The following PLXNA1 variants were observed in gnomAD, a reference collection of about 807,000 sequenced individuals.
PLXNA1 encodes plexin A1, also known as plexin-A1.
Under a neutral mutation model 191.7 loss-of-function variants are expected in PLXNA1, and 77 were observed. The observed-to-expected ratio is 0.40, with a 90% CI of 0.33 to 0.49. The LOEUF (loss-of-function observed/expected upper bound fraction) is 0.49. Among genes scored for constraint, PLXNA1 ranks in the 20% least tolerant of loss-of-function variants. PLXNA1 has a pLI of 0.63. For missense variants in PLXNA1, 2,110 were observed against 2,660.2 expected, an observed-to-expected ratio of 0.79 and a Z score of 4.55; for synonymous variants, 1,137 against 1,156.4, an observed-to-expected ratio of 0.98 and a Z score of 0.34.
chr3:127,019,214 G>A (rs755891758), intron 20 of PLXNA1, among the ~76,000 whole-genome samples: 1 of 149,712 alleles, frequency 6.7e-6, no homozygotes, highest in Non-Finnish European at 1.5e-5. Flanking sequence ...ATGTGGTCCA[G>A]CATGGGGTTG....
chr3:127,017,824 A>G lies in PLXNA1; in HGVS notation c.3592A>G (p.Thr1198Ala). 14 of 1,612,832 alleles carry G rather than the reference A, an allele frequency of 8.7e-6. No homozygotes were observed. The highest frequency in any genetic ancestry group is 1.3e-5 in the African/African-American group (1 of 74,956). ...GGTGCTCATCGGCTCCACACCCTGT[A>G]CCCTCACCGTGTCGGAGACGCAACT... is the stretch of plus-strand genomic sequence containing the variant. ...YTVLIGSTPCTLTVSETQLLC... is the reference protein window; with the variant it reads ...YTVLIGSTPCALTVSETQLLC... Residue 1198 changes from threonine to alanine, a missense_variant, in exon 19 of 32, where the codon ACC becomes GCC. Around this residue, in one of 4 missense-constraint regions of PLXNA1, gnomAD observed 644 missense variants for 714.3 expected, o/e 0.90. Transcript: ENST00000393409.
At position 127,030,346 on chromosome 3, in the gene PLXNA1, T is replaced by C. The variant is rs775295403; in HGVS notation, c.5165T>C (p.Leu1722Pro). The C allele has an allele frequency of 6.2e-7, 1 of 1,614,052 alleles. No individual in the cohort carries two copies. The highest frequency in any genetic ancestry group is 1.1e-5 in the South Asian group (1 of 91,086). Residue 1722 changes from leucine to proline, a missense_variant, in exon 29 of 32, where the codon CTG (leucine) becomes CCG (proline). By Grantham distance (98) the Leu-to-Pro change is moderately conservative. Coordinates refer to ENST00000393409, the MANE Select transcript of PLXNA1 (RefSeq NM_032242.4). ...GCCATCAAGTACATGTTCGACTTCC[T>C]GGATGAGCAGGCCGACAAGCACCAG... Reference protein sequence around the residue: ...PLAIKYMFDFLDEQADKHQIH... With the variant: ...PLAIKYMFDFPDEQADKHQIH...
chr3:127,023,728 A>T (rs1354193850), intron 23 of PLXNA1, among the ~76,000 whole-genome samples: 1 of 152,222 alleles, frequency 6.6e-6, no homozygotes, highest in Non-Finnish European at 1.5e-5. Flanking sequence ...CACAGAGCGG[A>T]GTCCTGGCCA....
chr3:127,033,303 T>A (rs2079221923), intron 31 of PLXNA1, among the ~76,000 whole-genome samples: 1 of 152,184 alleles, frequency 6.6e-6, no homozygotes, highest in South Asian at 2.1e-4. Context: ...AACTGGCTCC[T>A]GGGCCGCACA....
At chr3:126,986,226 G>A (rs2078958439) in intron 1 of PLXNA1, among the ~76,000 whole-genome samples, 1 of 152,230 alleles carries the variant, frequency 6.6e-6, no homozygotes, top group African/African-American at 2.4e-5. Context: ...TCAGCTCCCA[G>A]CCCCGGCCCC....
chr3:127,004,879 C>A lies in PLXNA1; in HGVS notation c.1620-6C>A. 6.3e-7 allele frequency: 1 copy of A among 1,586,058 alleles called. No individual in the cohort carries two copies. Among genetic ancestry groups the A allele is most frequent in the Non-Finnish European group, 8.6e-7 (1 of 1,164,024 alleles). On this transcript the variant is annotated splice_region_variant and splice_polypyrimidine_tract_variant and intron_variant, in intron 5 of 31. Coordinates refer to ENST00000393409, the MANE Select transcript of PLXNA1 (RefSeq NM_032242.4). ...ATCCGCCCAGCCTCAACCCCTCTGC[C>A]TGCAGCTGCTCGCGGCGGGACGCCT... is the stretch of plus-strand genomic sequence containing the variant.
At chr3:126,995,278 C>T (rs760802051) in intron 3 of PLXNA1, among the ~76,000 whole-genome samples, 2 of 152,188 alleles carry the variant, frequency 1.3e-5, no homozygotes, top group African/African-American at 4.8e-5. Flanking sequence ...CCTCTCTCAG[C>T]GAACTTCCTG....
intron 21 of PLXNA1, 94 bp from the exon 22 acceptor site, chr3:127,021,991 C>A: frequency 6.6e-7 from 1 of 1,513,718 alleles, no homozygotes; most frequent in Non-Finnish European, 8.9e-7. Context: ...TGGGGCCCTG[C>A]CTCACCAGCC....
chr3:126,997,052 T>C (rs947193421), intron 3 of PLXNA1, among the ~76,000 whole-genome samples: 1 of 152,308 alleles, frequency 6.6e-6, no homozygotes, highest in Admixed American at 6.5e-5. Flanking sequence ...TGTGCTGCTA[T>C]GTGGGCTCTG....
chr3:127,017,563 C>G lies in PLXNA1; in HGVS notation c.3415C>G (p.Leu1139Val). 6.2e-7 allele frequency: 1 copy of G among 1,613,774 alleles called. No homozygotes were observed. Among genetic ancestry groups the G allele is most frequent in the Non-Finnish European group, 8.5e-7 (1 of 1,180,022 alleles). The change falls in exon 18 of 32, where the codon CTC becomes GTC. Residue 1139 changes from leucine to valine, a missense_variant. Around this residue, in one of 4 missense-constraint regions of PLXNA1, gnomAD observed 644 missense variants for 714.3 expected, o/e 0.90. Coordinates refer to ENST00000393409, the MANE Select transcript of PLXNA1 (RefSeq NM_032242.4). The part of the protein sequence containing the change: ...VMDNVRSLLV[L>V]NSTSFLYYPD... ...GGACAACGTGCGCTCCCTGCTTGTG[C>G]TCAACTCCACCTCCTTCCTCTACTA...
rs367663817 is a variant in PLXNA1 at position 127,014,459 on chromosome 3, C to G, written c.2605-19C>G. ...TACGCCCTGTGGGATGCCTGTACCC[C>G]AGCCTCTGCCTCCCTCAGCTGTCCC... On this transcript the variant is annotated intron_variant, in intron 12 of 31. Coordinates refer to ENST00000393409, the MANE Select transcript of PLXNA1 (RefSeq NM_032242.4). 1.6e-5 allele frequency: 25 copies of G among 1,598,074 alleles called. No homozygotes were observed. The Middle Eastern group carries it at 8.2e-4, about 53-fold the overall frequency.
chr3:126,986,021 A>G (rs891757), intron 1 of PLXNA1, among the ~76,000 whole-genome samples: 152,080 of 152,298 alleles, frequency 1, 75,931 homozygotes, highest in Non-Finnish European at 1. Context: ...GGTGGGCCCA[A>G]GACCAGGCTG....
At chr3:127,005,945 C>CT in intron 7 of PLXNA1, 134 bp from the exon 8 acceptor site, 1 of 726,742 alleles carries the variant, frequency 1.4e-6, no homozygotes. Flanking sequence ...GCTGAGGGGG[C>CT]TGGATGCGTG....
chr3:127,014,023 T>C lies in PLXNA1; in HGVS notation c.2317T>C (p.Ser773Pro). The C allele has an allele frequency of 6.2e-7, 1 of 1,613,600 alleles. No individual in the cohort carries two copies. Among genetic ancestry groups the C allele is most frequent in the Non-Finnish European group, 8.5e-7 (1 of 1,179,834 alleles). Residue 773 changes from serine to proline, a missense_variant, in exon 11 of 32, where the codon TCC (serine) becomes CCC (proline). By Grantham distance (74) the Ser-to-Pro change is moderately conservative. Around this residue, in one of 4 missense-constraint regions of PLXNA1, gnomAD observed 644 missense variants for 714.3 expected, o/e 0.90. Transcript: ENST00000393409. The part of the protein sequence containing the change: ...SSLQCQNSSY[S>P]YEGNDVSDLP... ...TGACGGTGCCATCACCTAACAGTAC[T>C]CCTACGAGGGGAACGATGTCAGCGA...
At chr3:127,006,614 T>C (rs1053860395) in intron 8 of PLXNA1, among the ~76,000 whole-genome samples, 4 of 152,106 alleles carry the variant, frequency 2.6e-5, no homozygotes, top group Admixed American at 1.3e-4. Flanking sequence ...GCGGGCTGGT[T>C]TGGGGGCCTG....
chr3:127,013,946 G>T, intron 10 of PLXNA1, 74 bp from the exon 11 acceptor site: 1 of 1,357,090 alleles, frequency 7.4e-7, no homozygotes, highest in Non-Finnish European at 1.1e-6. Flanking sequence ...CGCCCTGGTG[G>T]CTTTGTGGGC....
intron 14 of PLXNA1, 119 bp from the exon 15 acceptor site, chr3:127,015,065 C>A: frequency 7.0e-7 from 1 of 1,429,302 alleles, no homozygotes; most frequent in Non-Finnish European, 9.4e-7. Flanking sequence ...AGCTCCCGGG[C>A]ATGCGGGCTC....
intron 2 of PLXNA1, 74 bp from the exon 3 acceptor site, chr3:126,991,310 G>A: frequency 1.3e-6 from 2 of 1,550,408 alleles, no homozygotes; most frequent in Non-Finnish European, 1.8e-6. Context: ...TGCACTCCCA[G>A]CCCTGCCCAG....
chr3:127,009,503 G>A (rs2079085390), intron 9 of PLXNA1, among the ~76,000 whole-genome samples: 1 of 151,952 alleles, frequency 6.6e-6, no homozygotes, highest in South Asian at 2.1e-4. Context: ...TTCCTAAGGG[G>A]TGTGACGTGA....
Sources: gnomAD v4.1 joint callset for allele counts (sites outside exome capture counted in the v4.1 genomes callset) on GRCh38, gnomAD v4.1.1 for gene constraint, gnomAD v4.1.1 regional missense constraint, MANE v1.5 for transcripts, NCBI Gene and HGNC (gene_info 2026-07-23, HGNC 2026-07-21) for gene names.